Variants in CDH11 observed in about 807,000 individuals in gnomAD.
The protein encoded by CDH11 is cadherin-11.
Under a neutral mutation model 67.8 loss-of-function variants are expected in CDH11, and 11 were observed. The ratio of observed to expected loss-of-function variants is 0.16; its 90% CI spans 0.10 to 0.27. The LOEUF (loss-of-function observed/expected upper bound fraction) is 0.27. Ranked by LOEUF, CDH11 falls within the 10% of genes least tolerant of loss-of-function variation. The pLI is 1.00. For synonymous variants in CDH11, 419 were observed against 400.0 expected (o/e 1.05, Z -0.57); for missense variants, 847 against 1,031.2 (o/e 0.82, Z 2.45).
At chr16:64,986,745 A>T (rs1214773926) in intron 7 of CDH11, 1 of 152,122 alleles carries the variant, frequency 6.6e-6, no homozygotes, top group Non-Finnish European at 1.5e-5. Flanking sequence ...TTTTCCAAGT[A>T]TCCAAATTTC....
At chr16:65,094,555 T>G (rs17431820) in intron 1 of CDH11, 11,101 of 152,074 alleles carry the variant, frequency 0.073, 517 homozygotes, top group Non-Finnish European at 0.11. Flanking sequence ...AGCAGTCCAG[T>G]TCAATAACCA....
intron 1 of CDH11, among the ~76,000 whole-genome samples, chr16:65,100,407 G>GA (rs147958142): frequency 1.3e-4 from 20 of 148,938 alleles, no homozygotes; most frequent in African/African-American, 2.5e-4. Flanking sequence ...CAAGAAAATT[G>GA]AAAAAAAAAA....
chr16:65,093,675 C>T (rs74026256), intron 1 of CDH11, among the ~76,000 whole-genome samples: 1,667 of 152,184 alleles, frequency 0.011, 32 homozygotes, highest in African/African-American at 0.037. Context: ...TAATCTACTA[C>T]GTGATATTCA....
intron 1 of CDH11, among the ~76,000 whole-genome samples, chr16:65,079,219 A>T (rs1012010753): frequency 5.3e-5 from 8 of 152,202 alleles, no homozygotes; most frequent in Admixed American, 5.2e-4. Context: ...ATGGGACGGA[A>T]CACTTGCTAC....
chr16:65,072,068 T>TGCA (rs1302353566), intron 1 of CDH11: 1 of 152,274 alleles, frequency 6.6e-6, no homozygotes, highest in East Asian at 1.9e-4. Flanking sequence ...AAGGTCATGG[T>TGCA]GCAGCAGCTA....
intron 2 of CDH11, among the ~76,000 whole-genome samples, chr16:65,045,878 G>A (rs2073953779): frequency 6.6e-6 from 1 of 152,102 alleles, no homozygotes. Flanking sequence ...CAAGGAGCAT[G>A]CACATGTCTT....
intron 1 of CDH11, among the ~76,000 whole-genome samples, chr16:65,065,381 G>A: frequency 1.3e-5 from 2 of 152,184 alleles, no homozygotes; most frequent in East Asian, 3.8e-4. Flanking sequence ...TATGTGAAAA[G>A]GAGAAAGAAC....
intron 4 of CDH11, among the ~76,000 whole-genome samples, chr16:64,996,069 G>C (rs1239604747): frequency 6.6e-6 from 1 of 152,120 alleles, no homozygotes; most frequent in Non-Finnish European, 1.5e-5. Flanking sequence ...GAATAGCTAT[G>C]ATTAAAAAGT....
rs1175141316 is a variant in CDH11, at chr16:65,065,780, C to T, written c.-297-11852G>A. Among the ~76,000 whole-genome samples the T allele has an allele frequency of 3.9e-5, 6 of 152,208 alleles. No individual in the cohort carries two copies. The East Asian group carries it at 9.6e-4, about 24-fold the overall frequency. On this transcript the variant is annotated intron_variant, in intron 1 of 12. Transcript: ENST00000268603. ...CCCTCTTTCACACAGCTGCTACAGGCACACCCTAAACCAGGGGCCTGCTCA... is the reference window on the plus strand; with the variant it reads ...CCCTCTTTCACACAGCTGCTACAGGTACACCCTAAACCAGGGGCCTGCTCA...
chr16:64,965,796 AC>A (rs2071807522), intron 11 of CDH11, among the ~76,000 whole-genome samples: 1 of 151,298 alleles, frequency 6.6e-6, no homozygotes, highest in Non-Finnish European at 1.5e-5. Flanking sequence ...ACACACACAC[AC>A]ACACACACAC....
chr16:65,121,991 G>C lies in CDH11; in HGVS notation c.-409C>G, dbSNP rs2142907566. On this transcript the variant is annotated 5_prime_UTR_variant, in exon 1 of 13. Coordinates refer to ENST00000268603, the MANE Select transcript of CDH11 (RefSeq NM_001797.4). This position sits in a 1 kb window ranked among gnomAD's most constrained non-coding sequence, Gnocchi z 4.1. ...CCGGTCCCATTCACAAGTCAGCGGC[G>C]GCTGCGAGCGGCCCCCGCGGCATCT... The C allele has an allele frequency of 1.4e-6, 1 of 700,558 alleles. No individual in the cohort carries two copies. Among genetic ancestry groups the C allele is most frequent in the East Asian group, 2.7e-5 (1 of 37,080 alleles). The allele number at this position is 700,558 out of a possible 1,614,324, so 43.4% of individuals were successfully genotyped here.
At position 65,062,901 on chromosome 16, in the gene CDH11, C is replaced by T. The variant is rs539288759; in HGVS notation, c.-297-8973G>A. 1.4e-4 allele frequency among the ~76,000 whole-genome samples: 21 copies of T among 152,254 alleles called. No individual in the cohort carries two copies. The South Asian group carries it at 4.2e-3, about 30-fold the overall frequency. On this transcript the variant is annotated intron_variant, in intron 1 of 12. Transcript: ENST00000268603. ...CTTCAGGCACAAATTTGAATTTGGC[C>T]ACAGAGGGGCTGACGTGAGCCAGGG...
intron 1 of CDH11, among the ~76,000 whole-genome samples, chr16:65,088,473 T>G (rs1210679798): frequency 6.6e-6 from 1 of 152,218 alleles, no homozygotes; most frequent in Non-Finnish European, 1.5e-5. Context: ...CATACAATTT[T>G]CATCATGCAT....
At chr16:64,967,956 C>G (rs1394413807) in intron 11 of CDH11, among the ~76,000 whole-genome samples, 1 of 152,128 alleles carries the variant, frequency 6.6e-6, no homozygotes, top group African/African-American at 2.4e-5. Context: ...CACACATTCC[C>G]TGGAACCCTA....
intron 1 of CDH11, among the ~76,000 whole-genome samples, chr16:65,073,013 A>G (rs2074444484): frequency 6.6e-6 from 1 of 152,220 alleles, no homozygotes; most frequent in African/African-American, 2.4e-5. Flanking sequence ...AGTGTGATCT[A>G]TGTTGGCCAT....
intron 11 of CDH11, among the ~76,000 whole-genome samples, chr16:64,955,719 T>A (rs1221833529): frequency 6.6e-6 from 1 of 152,086 alleles, no homozygotes; most frequent in African/African-American, 2.4e-5. Flanking sequence ...CACTACACCA[T>A]GGCTGACAGA....
chr16:65,108,067 C>T (rs1421837609), intron 1 of CDH11, among the ~76,000 whole-genome samples: 3 of 151,990 alleles, frequency 2.0e-5, no homozygotes, highest in Non-Finnish European at 4.4e-5. Flanking sequence ...AGTTAGGCAC[C>T]CAATAAGAAA....
At chr16:65,083,651 G>A (rs1303276269) in intron 1 of CDH11, among the ~76,000 whole-genome samples, 2 of 152,216 alleles carry the variant, frequency 1.3e-5, no homozygotes, top group Non-Finnish European at 2.9e-5. Flanking sequence ...ACAAAGCAGT[G>A]ACCAAGGGAT....
chr16:65,105,304 G>A (rs891328519), intron 1 of CDH11, among the ~76,000 whole-genome samples: 1 of 152,136 alleles, frequency 6.6e-6, no homozygotes. Flanking sequence ...GAATATAGAG[G>A]GAGACTGGGA....
Sources: gnomAD v4.1 joint callset for allele counts (sites outside exome capture counted in the v4.1 genomes callset) on GRCh38, gnomAD v4.1.1 for gene constraint, Gnocchi (gnomAD v3.1) non-coding constraint, MANE v1.5 for transcripts, NCBI Gene and HGNC (gene_info 2026-07-23, HGNC 2026-07-21) for gene names.